The following CEP112 variants were observed in gnomAD, a reference collection of about 807,000 sequenced individuals.
CEP112 encodes the protein centrosomal protein of 112 kDa.
In CEP112, 127 loss-of-function variants were observed where a neutral mutation model predicts 153.0. That is an observed-to-expected ratio of 0.83 (90% confidence interval 0.72 to 0.96). The LOEUF (loss-of-function observed/expected upper bound fraction) is 0.96, where lower values mean the gene tolerates loss of function less well. CEP112 is among the 40% of genes least tolerant of loss of function. The pLI is 0.00. For missense variants in CEP112, 1,089 were observed against 1,101.2 expected (o/e 0.99, Z 0.16); for synonymous variants, 358 against 374.4 (o/e 0.96, Z 0.51).
intron 4 of CEP112, among the ~76,000 whole-genome samples, chr17:66,153,048 C>T (rs980335021): frequency 2.0e-5 from 3 of 151,930 alleles, no homozygotes; most frequent in Non-Finnish European, 4.4e-5. Flanking sequence ...TTGATGAGGA[C>T]GTGAAGAGAC....
chr17:65,735,863 G>A (rs1002376830), intron 23 of CEP112, among the ~76,000 whole-genome samples: 13 of 152,134 alleles, frequency 8.5e-5, no homozygotes, highest in Admixed American at 5.2e-4. Context: ...GGGACTCATC[G>A]GAGTCTGCAG....
intron 12 of CEP112, among the ~76,000 whole-genome samples, chr17:66,038,360 G>T (rs4451982): frequency 0.52 from 78,282 of 151,928 alleles, 21,094 homozygotes; most frequent in African/African-American, 0.59. Context: ...TTTTATTTTT[G>T]ATTTTTAAAG....
Position 65,765,661 on chromosome 17 carries a change from G to A in CEP112, c.2395-14937C>T, listed in dbSNP as rs7223960. 1.3e-3 allele frequency among the ~76,000 whole-genome samples: 201 copies of A among 152,144 alleles called. 1 individual carries two copies. Among genetic ancestry groups the A allele is most frequent in the African/African-American group, 4.8e-3 (200 of 41,526 alleles). ...AAGGACCCCAAGAGCCTGTGCTACT[G>A]TGAACTCTCACAATATGTTGCTGCC... On this transcript the variant is annotated intron_variant, in intron 21 of 26. Transcript: ENST00000535342.
intron 21 of CEP112, chr17:65,826,260 C>T (rs199938505): frequency 2.4e-5 from 39 of 1,613,980 alleles, no homozygotes; most frequent in Non-Finnish European, 3.2e-5. Context: ...GCTTGGTTTT[C>T]CTTGGCAGAT....
chr17:66,139,599 A>C (rs774300475), intron 4 of CEP112, among the ~76,000 whole-genome samples: 2 of 152,056 alleles, frequency 1.3e-5, no homozygotes, highest in Non-Finnish European at 2.9e-5. Flanking sequence ...CAGAGTGAGA[A>C]TCTATCTCAA....
chr17:66,117,725 G>A (rs1240922374), intron 6 of CEP112, among the ~76,000 whole-genome samples: 2 of 152,126 alleles, frequency 1.3e-5, no homozygotes, highest in African/African-American at 4.8e-5. Flanking sequence ...ACAAAGTGAA[G>A]AGACAACCCA....
chr17:65,858,572 T>C (rs1206950879), intron 20 of CEP112, among the ~76,000 whole-genome samples: 1 of 152,202 alleles, frequency 6.6e-6, no homozygotes, highest in Non-Finnish European at 1.5e-5. Context: ...CTTTTATTGA[T>C]AACATTACCA....
intron 20 of CEP112, among the ~76,000 whole-genome samples, chr17:65,882,081 G>A (rs995576921): frequency 2.6e-5 from 4 of 152,186 alleles, no homozygotes; most frequent in Admixed American, 2.0e-4. Context: ...AAACATTAAA[G>A]GAGTAATAAA....
At chr17:65,732,973 T>C (rs920278682) in intron 23 of CEP112, among the ~76,000 whole-genome samples, 2 of 152,248 alleles carry the variant, frequency 1.3e-5, no homozygotes, top group Admixed American at 1.3e-4. Context: ...GAACTTTTCC[T>C]TTGCATTCAC....
At chr17:66,089,824 A>T (rs1449095260) in intron 8 of CEP112, among the ~76,000 whole-genome samples, 1 of 152,186 alleles carries the variant, frequency 6.6e-6, no homozygotes, top group African/African-American at 2.4e-5. Context: ...ATCCTGGTAC[A>T]AAAAGGTCAA....
chr17:65,964,571 G>A (rs571683303), intron 17 of CEP112, among the ~76,000 whole-genome samples: 1 of 152,298 alleles, frequency 6.6e-6, no homozygotes, highest in East Asian at 1.9e-4. Context: ...GGGTACCATG[G>A]TCTAGACCTG....
chr17:65,785,034 C>T (rs1020052631), intron 21 of CEP112, among the ~76,000 whole-genome samples: 3 of 152,220 alleles, frequency 2.0e-5, no homozygotes, highest in African/African-American at 7.2e-5. Flanking sequence ...TTTTCTGTCT[C>T]TAGGGATTTT....
At chr17:65,857,726 G>A (rs1041918064) in intron 20 of CEP112, among the ~76,000 whole-genome samples, 16 of 151,730 alleles carry the variant, frequency 1.1e-4, no homozygotes, top group Admixed American at 1.3e-4. Context: ...ACTCTCCTTG[G>A]CATATTTTTA....
intron 23 of CEP112, among the ~76,000 whole-genome samples, chr17:65,719,352 A>C (rs1307062565): frequency 1.3e-5 from 2 of 152,228 alleles, no homozygotes; most frequent in Non-Finnish European, 2.9e-5. Flanking sequence ...AGGCAGGCAG[A>C]TCACTTGAGG....
At chr17:66,016,166 T>G (rs1260774040) in intron 16 of CEP112, among the ~76,000 whole-genome samples, 1 of 152,212 alleles carries the variant, frequency 6.6e-6, no homozygotes, top group Non-Finnish European at 1.5e-5. Flanking sequence ...ACTGGTGAAT[T>G]TTTAAACATT....
intron 19 of CEP112, among the ~76,000 whole-genome samples, chr17:65,910,347 A>C (rs1285395130): frequency 1.3e-5 from 2 of 152,198 alleles, no homozygotes; most frequent in Non-Finnish European, 2.9e-5. Flanking sequence ...AGATTTGGAC[A>C]CAGGTGCCCA....
intron 20 of CEP112, 34 bp downstream of exon 20, chr17:65,902,118 G>A (rs1568196969): frequency 3.3e-6 from 5 of 1,532,762 alleles, no homozygotes; most frequent in Non-Finnish European, 3.6e-6. Flanking sequence ...TTTAAAAACA[G>A]ATACCCGTTT....
chr17:65,802,428 T>C (rs938079468), intron 21 of CEP112, among the ~76,000 whole-genome samples: 4 of 152,166 alleles, frequency 2.6e-5, no homozygotes, highest in Non-Finnish European at 2.9e-5. Context: ...CATAAACATT[T>C]TCCCTGGAAG....
intron 24 of CEP112, among the ~76,000 whole-genome samples, chr17:65,669,969 C>A (rs553776232): frequency 6.6e-6 from 1 of 151,606 alleles, no homozygotes; most frequent in African/African-American, 2.4e-5. Flanking sequence ...GCAAATTAAC[C>A]TTGGGAATCT....
Sources: allele counts gnomAD v4.1 joint callset (sites outside exome capture counted in the v4.1 genomes callset), GRCh38; gene constraint gnomAD v4.1.1; transcripts MANE v1.5; gene names NCBI Gene and HGNC (gene_info 2026-07-23, HGNC 2026-07-21).